Variants in CLIC2 observed in about 807,000 individuals in gnomAD.
The protein encoded by CLIC2 is CLIC family member 2.
In CLIC2, 9 loss-of-function variants were observed where a neutral mutation model predicts 14.8. The observed-to-expected ratio is 0.61, with a 90% confidence interval of 0.37 to 1.06. CLIC2 has a LOEUF of 1.06. Ranked by LOEUF, CLIC2 falls within the 50% of genes least tolerant of loss-of-function variation. CLIC2 has a pLI of 0.01. For missense variants in CLIC2, 148 were observed against 181.4 expected, an observed-to-expected ratio of 0.82 and a Z score of 1.06; for synonymous variants, 61 against 66.3, an observed-to-expected ratio of 0.92 and a Z score of 0.39.
intron 3 of CLIC2, among the ~76,000 whole-genome samples, chrX:155,296,437 G>A: frequency 9.0e-6 from 1 of 111,605 alleles, no homozygotes; most frequent in South Asian, 3.7e-4. Flanking sequence ...AAATTCTTCT[G>A]GACATTGTTC....
intron 3 of CLIC2, chrX:155,290,380 G>A (rs1305708514): frequency 6.8e-6 from 3 of 442,324 alleles, no homozygotes; most frequent in Non-Finnish European, 1.2e-5. Context: ...TTCATTTTCC[G>A]CTGGGCCCCT....
chrX:155,311,553 C>A (rs782208171), intron 1 of CLIC2, among the ~76,000 whole-genome samples: 4 of 111,998 alleles, frequency 3.6e-5, no homozygotes, highest in Admixed American at 9.4e-5. Flanking sequence ...CCACATTTTT[C>A]TGTCTTCTTC....
chrX:155,280,012 A>C lies in CLIC2; in HGVS notation c.350T>G (p.Phe117Cys). 8.3e-7 allele frequency: 1 copy of C among 1,210,436 alleles called. No individual in the cohort carries two copies. The highest frequency in any genetic ancestry group is 1.1e-6 in the Non-Finnish European group (1 of 894,189). The change falls in exon 4 of 6, where the codon TTT (phenylalanine) becomes TGT (cysteine). Residue 117 changes from phenylalanine to cysteine, a missense_variant. Phe to Cys is a radical substitution (Grantham distance 205, BLOSUM62 -2). Transcript: ENST00000369449. ...CTTAATGTATGCAGAAAACTTGGCAAAGAGGTTACAGCCCACATCAAAAGA... is the reference window on the plus strand; with the variant it reads ...CTTAATGTATGCAGAAAACTTGGCACAGAGGTTACAGCCCACATCAAAAGA... The part of the protein sequence containing the change: ...KESFDVGCNL[F>C]AKFSAYIKNT...
intron 1 of CLIC2, among the ~76,000 whole-genome samples, chrX:155,318,266 G>A (rs1207794642): frequency 9.0e-6 from 1 of 111,623 alleles, no homozygotes; most frequent in African/African-American, 3.3e-5. Context: ...AAGTCAAACT[G>A]TTCCTGTTTG....
chrX:155,297,532 A>G (rs1288391892), intron 3 of CLIC2, among the ~76,000 whole-genome samples: 12 of 108,434 alleles, frequency 1.1e-4, no homozygotes, highest in African/African-American at 3.7e-4. Flanking sequence ...TTGTACTGAT[A>G]AAAAAATTTA....
At chrX:155,330,058 T>G (rs1338766497) in intron 1 of CLIC2, among the ~76,000 whole-genome samples, 1 of 110,921 alleles carries the variant, frequency 9.0e-6, no homozygotes, top group Non-Finnish European at 1.9e-5. Context: ...TCTGTGTGTG[T>G]GGGGAGGTGA....
chrX:155,321,128 G>T (rs890287348), intron 1 of CLIC2, among the ~76,000 whole-genome samples: 8 of 111,931 alleles, frequency 7.1e-5, no homozygotes, highest in African/African-American at 2.6e-4. Context: ...GAACCAAGTT[G>T]GAAAACACTC....
At chrX:155,290,565 G>T in intron 3 of CLIC2, 1 of 603,969 alleles carries the variant, frequency 1.7e-6, no homozygotes, top group South Asian at 2.2e-5. Context: ...CTTGCAGCTA[G>T]AATACAGCAT....
chrX:155,334,345 G>A, intron 1 of CLIC2, 26 bp downstream of exon 1: 1 of 1,138,648 alleles, frequency 8.8e-7, no homozygotes, highest in Middle Eastern at 2.5e-4. Context: ...TATTCTACAT[G>A]CAGTTATTAT....
intron 3 of CLIC2, among the ~76,000 whole-genome samples, chrX:155,285,989 A>T (rs5983874): frequency 1.4e-3 from 154 of 110,475 alleles, no homozygotes; most frequent in African/African-American, 4.9e-3. Flanking sequence ...CATTAAAAAA[A>T]TTTATTTTAG....
intron 3 of CLIC2, chrX:155,290,521 A>T: frequency 1.8e-6 from 1 of 567,898 alleles, no homozygotes; most frequent in Non-Finnish European, 3.2e-6. Context: ...TACAACATCC[A>T]TAGTTGTCTT....
chrX:155,292,751 CAG>C lies in CLIC2; in HGVS notation c.293+6032_293+6033del, dbSNP rs782644275. 8.3e-4 allele frequency: 393 copies of C among 476,089 alleles called. 1 individual carries two copies. In the African/African-American group the frequency reaches 9.4e-3, roughly 11 times the overall value. 39.2% of individuals were successfully genotyped at this position (476,089 alleles called of 1,213,427 possible). ...CGCCACTGCACTCCAGCCTGGGCGA[CAG>C]AGCGAGACTCCGTCTCAAAACAAAC... On this transcript the variant is annotated intron_variant, in intron 3 of 5. Transcript: ENST00000369449.
intron 3 of CLIC2, among the ~76,000 whole-genome samples, chrX:155,288,870 C>T (rs1479436912): frequency 9.9e-5 from 11 of 111,110 alleles, no homozygotes; most frequent in Admixed American, 9.6e-5. Flanking sequence ...TTTGGCCGGG[C>T]GCAGTGGCTC....
intron 1 of CLIC2, among the ~76,000 whole-genome samples, chrX:155,304,200 C>T (rs1171506916): frequency 2.4e-3 from 253 of 107,122 alleles, no homozygotes; most frequent in African/African-American, 8.4e-3. Flanking sequence ...CCATTCTCCC[C>T]GTCACTTTCA....
intron 3 of CLIC2, among the ~76,000 whole-genome samples, chrX:155,284,823 G>A (rs1169027948): frequency 1.8e-5 from 2 of 111,962 alleles, no homozygotes; most frequent in Admixed American, 1.9e-4. Context: ...CCAGTAACCT[G>A]CACCTGCAAT....
At position 155,297,860 on chromosome X, in the gene CLIC2, CAAAAAA is replaced by C. The variant is rs200891873; in HGVS notation, c.293+919_293+924del. 1.8e-3 allele frequency among the ~76,000 whole-genome samples: 9 copies of C among 5,124 alleles called. 1 individual carries two copies. The highest frequency in any genetic ancestry group is 0.021 in the South Asian group (1 of 48). The allele number at this position is 5,124 out of a possible 115,157, so 4.4% of individuals were successfully genotyped here. A position where few individuals can be genotyped will look rare whatever the true frequency, so the allele number is the denominator to read the frequency against. On this transcript the variant is annotated intron_variant, in intron 3 of 5. Coordinates refer to ENST00000369449, the MANE Select transcript of CLIC2 (RefSeq NM_001289.6). ...GGGCGACAGAGCGAGACTCCGGTCT[CAAAAAA>C]AAAAAAAAAAAAAAAAAAAAGAAGG...
At chrX:155,313,197 C>CAAA (rs59429236) in intron 1 of CLIC2, among the ~76,000 whole-genome samples, 9 of 32,670 alleles carry the variant, frequency 2.8e-4, no homozygotes, top group East Asian at 9.0e-4. Context: ...ATAAATAAGG[C>CAAA]AAAAAAAAAA....
chrX:155,331,609 G>A (rs1418000021), intron 1 of CLIC2, among the ~76,000 whole-genome samples: 1 of 111,202 alleles, frequency 9.0e-6, no homozygotes, highest in African/African-American at 3.3e-5. Context: ...ATGCTATGAG[G>A]TAGGCTCTGT....
In CLIC2 at chrX:155,293,345, G is replaced by A. The variant is rs2074981482; in HGVS notation, c.293+5440C>T. 12 of 1,124,769 alleles carry A rather than the reference G, an allele frequency of 1.1e-5. No individual in the cohort carries two copies. In the Admixed American group the frequency reaches 2.6e-4, roughly 25 times the overall value. The allele number at this position is 1,124,769 out of a possible 1,213,427, so 92.7% of individuals were successfully genotyped here. On this transcript the variant is annotated intron_variant, in intron 3 of 5. Coordinates refer to ENST00000369449, the MANE Select transcript of CLIC2 (RefSeq NM_001289.6). Reference sequence around the variant, plus strand: ...GCTATATGTGGAATTTGTCTGAAGGGTAAGGAGTCCAACAAGAAAGGAAAG... The same window carrying A: ...GCTATATGTGGAATTTGTCTGAAGGATAAGGAGTCCAACAAGAAAGGAAAG...
Sources: allele counts gnomAD v4.1 joint callset (sites outside exome capture counted in the v4.1 genomes callset), GRCh38; gene constraint gnomAD v4.1.1; transcripts MANE v1.5; gene names NCBI Gene and HGNC (gene_info 2026-07-23, HGNC 2026-07-21).